Variants in DGKI observed in about 807,000 individuals in gnomAD.
DGKI encodes diacylglycerol kinase iota.
Under a neutral mutation model 147.5 loss-of-function variants are expected in DGKI, and 55 were observed. That is an observed-to-expected ratio of 0.37 (90% CI 0.30 to 0.47). The LOEUF is 0.47. Ranked by LOEUF, DGKI falls within the 20% of genes least tolerant of loss-of-function variation. DGKI has a pLI of 1.00. For missense variants in DGKI, 1,007 were observed against 1,323.8 expected, an observed-to-expected ratio of 0.76 and a Z score of 3.71; for synonymous variants, 469 against 477.1, an observed-to-expected ratio of 0.98 and a Z score of 0.22.
chr7:137,594,613 C>T (rs1199452223), intron 12 of DGKI, among the ~76,000 whole-genome samples: 5 of 152,306 alleles, frequency 3.3e-5, no homozygotes, highest in East Asian at 3.9e-4. Context: ...TGCTCACTAA[C>T]GAAAGGCTGA....
intron 4 of DGKI, 76 bp from the exon 5 acceptor site, chr7:137,654,864 A>G: frequency 1.1e-6 from 1 of 917,836 alleles, no homozygotes; most frequent in Non-Finnish European, 1.7e-6. Flanking sequence ...AAAAAAAAAA[A>G]ACAGTGACAG....
chr7:137,616,647 A>G (rs1479419652), intron 8 of DGKI, among the ~76,000 whole-genome samples: 1 of 152,158 alleles, frequency 6.6e-6, no homozygotes, highest in African/African-American at 2.4e-5. Flanking sequence ...ATGGTTGGAG[A>G]TGAAACAATA....
At chr7:137,504,162 C>T (rs1344994812) in intron 21 of DGKI, among the ~76,000 whole-genome samples, 1 of 152,176 alleles carries the variant, frequency 6.6e-6, no homozygotes, top group East Asian at 1.9e-4. Flanking sequence ...AGAAAACTCA[C>T]AGCAGTTAAT....
chr7:137,659,728 C>T (rs888703040), intron 3 of DGKI, among the ~76,000 whole-genome samples: 7 of 152,108 alleles, frequency 4.6e-5, no homozygotes, highest in Non-Finnish European at 1.0e-4. Context: ...GTCAGGAGAT[C>T]GAGACCATCC....
intron 1 of DGKI, among the ~76,000 whole-genome samples, chr7:137,710,300 A>T (rs1794173880): frequency 6.6e-6 from 1 of 152,112 alleles, no homozygotes; most frequent in South Asian, 2.1e-4. Flanking sequence ...TATAAGGAAG[A>T]ACAAAGAACA....
chr7:137,619,969 T>C lies in DGKI; in HGVS notation c.877-29A>G, dbSNP rs544347850. Reference sequence around the variant, plus strand: ...AAGAGAAAAATAAGCCAGTAAACAATTCTGGTCAAAGAGTAATGCTGCAGC... The same window carrying C: ...AAGAGAAAAATAAGCCAGTAAACAACTCTGGTCAAAGAGTAATGCTGCAGC... On this transcript the variant is annotated intron_variant, in intron 7 of 32. Transcript: ENST00000614521. The C allele has an allele frequency of 1.9e-6, 3 of 1,558,576 alleles. No individual in the cohort carries two copies. In the Admixed American group the frequency reaches 5.0e-5, roughly 26 times the overall value.
At chr7:137,720,680 T>G (rs1794528758) in intron 1 of DGKI, among the ~76,000 whole-genome samples, 1 of 152,198 alleles carries the variant, frequency 6.6e-6, no homozygotes, top group Non-Finnish European at 1.5e-5. Context: ...GATTTATTAT[T>G]ATGGCTTAAA....
At chr7:137,463,636 A>G in intron 26 of DGKI, 25 bp from the exon 27 acceptor site, 1 of 1,606,216 alleles carries the variant, frequency 6.2e-7, no homozygotes, top group Middle Eastern at 1.7e-4. Flanking sequence ...GGCACCAGAC[A>G]GTTAAACATT....
rs756061164 is a variant in DGKI at position 137,751,993 on chromosome 7, C to T, written c.402-61991G>A. On this transcript the variant is annotated intron_variant, in intron 1 of 32. Coordinates refer to ENST00000614521, the MANE Select transcript of DGKI (RefSeq NM_001321708.2). ...TATCCAATTATTTAAATGTATTTAA[C>T]GCAATGTACATAAGGCTGTGTACCC... is the stretch of plus-strand genomic sequence containing the variant. Among the ~76,000 whole-genome samples the T allele has an allele frequency of 5.6e-4, 86 of 152,258 alleles. 1 individual carries two copies. Among genetic ancestry groups the T allele is most frequent in the Non-Finnish European group, 1.5e-4 (10 of 68,016 alleles).
At chr7:137,796,172 C>T (rs1797020855) in intron 1 of DGKI, among the ~76,000 whole-genome samples, 1 of 152,132 alleles carries the variant, frequency 6.6e-6, no homozygotes, top group Admixed American at 6.5e-5. Flanking sequence ...TCTGAGAAAG[C>T]CTAGATATTG....
chr7:137,753,760 C>T (rs895979574), intron 1 of DGKI, among the ~76,000 whole-genome samples: 6 of 152,124 alleles, frequency 3.9e-5, no homozygotes, highest in Admixed American at 6.5e-5. Context: ...AAGCAGAAGT[C>T]GCCTCTATTG....
chr7:137,712,829 T>C (rs1200324518), intron 1 of DGKI, among the ~76,000 whole-genome samples: 2 of 152,212 alleles, frequency 1.3e-5, no homozygotes, highest in Non-Finnish European at 2.9e-5. Flanking sequence ...GATGATATGT[T>C]TCATAAAACA....
chr7:137,492,025 G>T (rs965978973), intron 21 of DGKI, among the ~76,000 whole-genome samples: 2 of 152,142 alleles, frequency 1.3e-5, no homozygotes, highest in African/African-American at 4.8e-5. Context: ...AGCCAGAAAT[G>T]GGACATATCT....
At chr7:137,705,558 G>A (rs899543049) in intron 1 of DGKI, among the ~76,000 whole-genome samples, 1 of 152,128 alleles carries the variant, frequency 6.6e-6, no homozygotes, top group Non-Finnish European at 1.5e-5. Flanking sequence ...AACAGTGGTT[G>A]CTGAGTGGAG....
intron 1 of DGKI, among the ~76,000 whole-genome samples, chr7:137,823,469 G>A (rs1423773051): frequency 2.0e-5 from 3 of 152,164 alleles, no homozygotes; most frequent in African/African-American, 4.8e-5. Flanking sequence ...AAGCTCCTGC[G>A]GATGTTTCAC....
At chr7:137,729,052 T>C (rs910369999) in intron 1 of DGKI, among the ~76,000 whole-genome samples, 1 of 152,000 alleles carries the variant, frequency 6.6e-6, no homozygotes, top group African/African-American at 2.4e-5. Context: ...GATAAAAACT[T>C]AAAACACACA....
At chr7:137,743,632 G>T (rs1381299814) in intron 1 of DGKI, among the ~76,000 whole-genome samples, 1 of 152,066 alleles carries the variant, frequency 6.6e-6, no homozygotes, top group East Asian at 1.9e-4. Context: ...CAAGAAGATA[G>T]AAAAGTCCTA....
At chr7:137,555,019 T>C (rs1646379) in intron 19 of DGKI, among the ~76,000 whole-genome samples, 16,023 of 147,640 alleles carry the variant, frequency 0.11, 1,943 homozygotes, top group African/African-American at 0.3. Context: ...CGGGTTCAAG[T>C]GATTCCCCTG....
Position 137,737,941 on chromosome 7 carries a change from C to T in DGKI, c.402-47939G>A, listed in dbSNP as rs539719806. 2.0e-5 allele frequency among the ~76,000 whole-genome samples: 3 copies of T among 152,256 alleles called. No individual in the cohort carries two copies. The South Asian group carries it at 6.2e-4, about 32-fold the overall frequency. On this transcript the variant is annotated intron_variant, in intron 1 of 32. Coordinates refer to ENST00000614521, the MANE Select transcript of DGKI (RefSeq NM_001321708.2). ...ATTTCTATGATTAATCTGCGTGCCA[C>T]AAGTTCTGTGCAAAGAACTGGGGAT...
Sources: gnomAD v4.1 joint callset for allele counts (sites outside exome capture counted in the v4.1 genomes callset) on GRCh38, gnomAD v4.1.1 for gene constraint, MANE v1.5 for transcripts, NCBI Gene and HGNC (gene_info 2026-07-23, HGNC 2026-07-21) for gene names.